The following ACVR1B variants were observed in gnomAD, a reference collection of about 807,000 sequenced individuals.
ACVR1B encodes the protein activin A receptor type 1B.
A neutral mutation model predicts 55.6 loss-of-function variants in ACVR1B; 15 were observed. That is an observed-to-expected ratio of 0.27 (90% confidence interval 0.18 to 0.42). ACVR1B has a LOEUF of 0.42. ACVR1B is among the 10% of genes least tolerant of loss of function. The pLI, the probability that ACVR1B is intolerant of heterozygous loss-of-function variation, is 1.00. For missense variants in ACVR1B, 359 were observed against 670.1 expected (o/e 0.54, Z 5.13); for synonymous variants, 247 against 254.6 (o/e 0.97, Z 0.28).
Position 51,986,913 on chromosome 12 carries a change from G to A in ACVR1B, c.1232G>A (p.Trp411Ter). 6.2e-7 allele frequency: 1 copy of A among 1,614,196 alleles called. No individual in the cohort carries two copies. The highest frequency in any genetic ancestry group is 8.5e-7 in the Non-Finnish European group (1 of 1,180,032). The change falls in exon 7 of 9, where the codon TGG (tryptophan) becomes TAG (stop). Residue 411 changes from tryptophan (W) to a stop codon, truncating the protein, a stop_gained. Coordinates refer to ENST00000257963, the MANE Select transcript of ACVR1B (RefSeq NM_004302.5). LOFTEE classifies it high-confidence loss of function. ...ADIYALGLVY[W>*]EIARRCNSGG... ...ATTTATGCCCTCGGGCTTGTATATT[G>A]GGAGATTGCTCGAAGATGCAATTCT...
At position 51,975,449 on chromosome 12, in the gene ACVR1B, C is replaced by T. The variant is rs375781164; in HGVS notation, c.276C>T (p.Asn92=). The T allele has an allele frequency of 8.1e-6, 13 of 1,614,242 alleles. No individual in the cohort carries two copies. Among genetic ancestry groups the T allele is most frequent in the Non-Finnish European group, 1.1e-5 (13 of 1,180,050 alleles). Residue 92 remains asparagine (N), a synonymous_variant, in exon 2 of 9, where the codon AAC becomes AAT. Transcript: ENST00000257963. ...GCCTGAGCTCGGAGGACCTGCGCAA[C>T]ACCCACTGCTGCTACACTGACTACT... The part of the protein sequence containing the change: ...FYCLSSEDLR[N]THCCYTDYCN...
At chr12:51,957,285 A>C (rs1941430875) in intron 1 of ACVR1B, among the ~76,000 whole-genome samples, 2 of 151,564 alleles carry the variant, frequency 1.3e-5, no homozygotes, top group African/African-American at 4.9e-5. Flanking sequence ...GTCTCTATTA[A>C]AAATACAAAA....
chr12:51,992,105 A>G (rs1180508802), intron 8 of ACVR1B, 112 bp downstream of exon 8: 27 of 1,353,632 alleles, frequency 2.0e-5, no homozygotes, highest in Non-Finnish European at 1.0e-6. Flanking sequence ...AGTGTCAGTT[A>G]TTATTTACTA....
At chr12:51,953,780 A>G (rs1293215059) in intron 1 of ACVR1B, among the ~76,000 whole-genome samples, 2 of 152,082 alleles carry the variant, frequency 1.3e-5, no homozygotes, top group African/African-American at 4.8e-5. Flanking sequence ...CCTAGTTAAG[A>G]ATGTTTGATA....
chr12:51,980,488 A>C (rs1592256046), intron 3 of ACVR1B, among the ~76,000 whole-genome samples: 1 of 152,142 alleles, frequency 6.6e-6, no homozygotes, highest in African/African-American at 2.4e-5. Flanking sequence ...GGAGATGGGA[A>C]CCCATGGGCC....
At chr12:51,956,567 A>G (rs182766270) in intron 1 of ACVR1B, among the ~76,000 whole-genome samples, 55 of 152,290 alleles carry the variant, frequency 3.6e-4, no homozygotes, top group South Asian at 2.1e-3. Flanking sequence ...TCACCTCTCT[A>G]TCAGCTTCAT....
chr12:51,986,807 T>C lies in ACVR1B; in HGVS notation c.1137-11T>C, dbSNP rs765181783. ...TTTCTGTGCGTGACCATGTTTGTTT[T>C]GCTATTGCAGATACATGGCCCCTGA... On this transcript the variant is annotated splice_polypyrimidine_tract_variant and intron_variant, in intron 6 of 8. Transcript: ENST00000257963. 1 of 1,603,284 alleles carries C rather than the reference T, an allele frequency of 6.2e-7. No individual in the cohort carries two copies. The highest frequency in any genetic ancestry group is 1.1e-5 in the South Asian group (1 of 89,764).
chr12:51,992,176 G>A, intron 8 of ACVR1B, 183 bp downstream of exon 8: 1 of 752,516 alleles, frequency 1.3e-6, no homozygotes. Flanking sequence ...CCTGGACCCT[G>A]TAGGGTGCCA....
rs527324697 is a variant in ACVR1B at position 51,959,942 on chromosome 12, C to T, written c.91+8108C>T. 6 of 150,676 alleles carry T rather than the reference C, an allele frequency of 4.0e-5. No individual in the cohort carries two copies. In the East Asian group the frequency reaches 1.2e-3, roughly 29 times the overall value. The allele number at this position is 150,676 out of a possible 1,614,324, so 9.3% of individuals were successfully genotyped here. Reference sequence around the variant, plus strand: ...TTTTTTTTTTTTGTGGTAGAGGACTCACCTTGCCCCACATCCTTGTATATT... The same window carrying T: ...TTTTTTTTTTTTGTGGTAGAGGACTTACCTTGCCCCACATCCTTGTATATT... On this transcript the variant is annotated intron_variant, in intron 1 of 8. Coordinates refer to ENST00000257963, the MANE Select transcript of ACVR1B (RefSeq NM_004302.5).
At chr12:51,967,235 G>A (rs569128821) in intron 1 of ACVR1B, among the ~76,000 whole-genome samples, 111 of 148,684 alleles carry the variant, frequency 7.5e-4, no homozygotes, top group African/African-American at 2.6e-3. Flanking sequence ...GCGAGACTCC[G>A]TCTCAAAAAA....
chr12:51,993,942 T>G, intron 8 of ACVR1B, 43 bp from the exon 9 acceptor site: 8 of 1,609,938 alleles, frequency 5.0e-6, no homozygotes, highest in Non-Finnish European at 6.8e-6. Flanking sequence ...GAAAGGCTTC[T>G]CCAGGGCATG....
chr12:51,993,836 G>A (rs1408847788), intron 8 of ACVR1B, 149 bp from the exon 9 acceptor site: 5 of 443,506 alleles, frequency 1.1e-5, no homozygotes, highest in African/African-American at 9.2e-5. Flanking sequence ...GAGCCTTGCA[G>A]AGCATTTCCC....
intron 7 of ACVR1B, among the ~76,000 whole-genome samples, chr12:51,989,064 G>C (rs1170788656): frequency 1.3e-5 from 2 of 152,108 alleles, no homozygotes; most frequent in East Asian, 3.9e-4. Flanking sequence ...TTCGAGACCA[G>C]CCTGGCCAAT....
At chr12:51,993,872 G>A in intron 8 of ACVR1B, 113 bp from the exon 9 acceptor site, 1 of 1,356,402 alleles carries the variant, frequency 7.4e-7, no homozygotes, top group South Asian at 1.4e-5. Flanking sequence ...GGTGGATGTG[G>A]ATCTGCCAGA....
chr12:51,979,749 G>T (rs1053550268), intron 3 of ACVR1B, among the ~76,000 whole-genome samples: 2 of 152,108 alleles, frequency 1.3e-5, no homozygotes, highest in African/African-American at 4.8e-5. Context: ...TGTGGGAAAT[G>T]AATGTTCATT....
rs369053860 is a variant in ACVR1B, at chr12:51,955,670, C to G, written c.91+3836C>G. On this transcript the variant is annotated intron_variant, in intron 1 of 8. Coordinates refer to ENST00000257963, the MANE Select transcript of ACVR1B (RefSeq NM_004302.5). ...GTGAACATTAATTCTGGGATCTCGC[C>G]TGTTTGTCTTCAGTTCTTGTGTTAG... Among the ~76,000 whole-genome samples the G allele has an allele frequency of 3.3e-5, 5 of 152,268 alleles. No individual in the cohort carries two copies. In the East Asian group the frequency reaches 5.8e-4, roughly 18 times the overall value.
At position 51,976,385 on chromosome 12, in the gene ACVR1B, C is replaced by T; in HGVS notation, c.390C>T (p.Ile130=). 6.2e-7 allele frequency: 1 copy of T among 1,614,196 alleles called. No homozygotes were observed. Among genetic ancestry groups the T allele is most frequent in the Admixed American group, 1.7e-5 (1 of 60,028 alleles). Residue 130 remains isoleucine (I), a synonymous_variant, in exon 3 of 9, where the codon ATC becomes ATT. Transcript: ENST00000257963. ...GGGGCCCGGTGGAGCTGGTAGGCATCATCGCCGGCCCGGTGTTCCTCCTGT... is the reference window on the plus strand; with the variant it reads ...GGGGCCCGGTGGAGCTGGTAGGCATTATCGCCGGCCCGGTGTTCCTCCTGT... The part of the protein sequence containing the change: ...SMWGPVELVG[I]IAGPVFLLFL...
rs767200649 is a variant in ACVR1B at position 51,983,995 on chromosome 12, G to A, written c.812-4G>A. 1.9e-6 allele frequency: 3 copies of A among 1,614,154 alleles called. No individual in the cohort carries two copies. The highest frequency in any genetic ancestry group is 2.5e-6 in the Non-Finnish European group (3 of 1,180,024). On this transcript the variant is annotated splice_region_variant and splice_polypyrimidine_tract_variant and intron_variant, in intron 4 of 8. Coordinates refer to ENST00000257963, the MANE Select transcript of ACVR1B (RefSeq NM_004302.5). ...TTCTGGGACTCATCTGTGGTTCTCTGCAGATAATGGCACCTGGACACAGCT... is the reference window on the plus strand; with the variant it reads ...TTCTGGGACTCATCTGTGGTTCTCTACAGATAATGGCACCTGGACACAGCT...
chr12:51,963,384 A>G (rs1941574560), intron 1 of ACVR1B, among the ~76,000 whole-genome samples: 1 of 152,084 alleles, frequency 6.6e-6, no homozygotes, highest in Non-Finnish European at 1.5e-5. Context: ...AGCTGGGATT[A>G]CAGGCATGCG....
Sources: gnomAD v4.1 joint callset for allele counts (sites outside exome capture counted in the v4.1 genomes callset) on GRCh38, gnomAD v4.1.1 for gene constraint, MANE v1.5 for transcripts, NCBI Gene and HGNC (gene_info 2026-07-23, HGNC 2026-07-21) for gene names.